The following COL13A1 variants were observed in gnomAD, a reference collection of about 807,000 sequenced individuals.
COL13A1 encodes the protein collagen type XIII alpha 1 chain, also known as collagen alpha-1(XIII) chain.
COL13A1 carries 89 observed loss-of-function variants against 130.9 expected under a neutral mutation model. The observed-to-expected ratio is 0.68, with a 90% CI of 0.57 to 0.81. The LOEUF (loss-of-function observed/expected upper bound fraction) is 0.81, where lower values mean the gene tolerates loss of function less well. Ranked by LOEUF, COL13A1 falls within the 30% of genes least tolerant of loss-of-function variation. COL13A1 has a pLI of 0.00. For missense variants in COL13A1, 879 were observed against 934.6 expected, an observed-to-expected ratio of 0.94 and a Z score of 0.78; for synonymous variants, 402 against 341.6, an observed-to-expected ratio of 1.18 and a Z score of -1.95.
intron 14 of COL13A1, among the ~76,000 whole-genome samples, chr10:69,901,332 G>T (rs1166420034): frequency 1.3e-5 from 2 of 152,234 alleles, no homozygotes; most frequent in Admixed American, 1.3e-4. Context: ...GATGCCATCT[G>T]CCTACAGGTT....
At chr10:69,936,650 T>C (rs2066960671) in intron 32 of COL13A1, 106 bp from the exon 33 acceptor site, 3 of 1,385,752 alleles carry the variant, frequency 2.2e-6, no homozygotes, top group Non-Finnish European at 3.0e-6. Context: ...CCCCAAACCA[T>C]ACTCTGCACC....
At chr10:69,909,275 C>G (rs2063112368) in intron 17 of COL13A1, among the ~76,000 whole-genome samples, 1 of 152,202 alleles carries the variant, frequency 6.6e-6, no homozygotes. Flanking sequence ...CCCCTTCATG[C>G]TGGACTCTTG....
At chr10:69,904,786 T>A (rs1363020206) in intron 15 of COL13A1, 147 bp from the exon 16 acceptor site, 1 of 798,498 alleles carries the variant, frequency 1.3e-6, no homozygotes, top group Non-Finnish European at 2.0e-6. Flanking sequence ...TAGGATCCAC[T>A]AGAGCTGTTG....
chr10:69,875,742 G>A (rs1420121715), intron 5 of COL13A1, among the ~76,000 whole-genome samples: 1 of 152,242 alleles, frequency 6.6e-6, no homozygotes, highest in South Asian at 2.1e-4. Context: ...TGATGGAGAG[G>A]GTGTTTCCCA....
In COL13A1 at chr10:69,815,822, G is replaced by A. The variant is rs1002162721; in HGVS notation, c.295-6547G>A. 8.0e-4 allele frequency among the ~76,000 whole-genome samples: 121 copies of A among 152,116 alleles called. 1 individual carries two copies. The highest frequency in any genetic ancestry group is 2.7e-3 in the African/African-American group (111 of 41,464). On this transcript the variant is annotated intron_variant, in intron 1 of 40. Transcript: ENST00000645393. The stretch of plus-strand genomic sequence containing the variant: ...AGTGAATAGAACAGAACAGAAAAAA[G>A]TATCCAGGTCCTTGTCGAACTTACA...
intron 2 of COL13A1, among the ~76,000 whole-genome samples, chr10:69,839,939 A>AT (rs34722561): frequency 1.3e-5 from 2 of 152,284 alleles, no homozygotes; most frequent in African/African-American, 4.8e-5. Flanking sequence ...TCTGGGCTAC[A>AT]TTTTCCAGTC....
At chr10:69,949,388 G>A (rs34511383) in intron 38 of COL13A1, among the ~76,000 whole-genome samples, 11,321 of 152,192 alleles carry the variant, frequency 0.074, 557 homozygotes, top group Middle Eastern at 0.16. Flanking sequence ...TCACCATATT[G>A]GCCAGGCTGG....
rs2059862123 is a variant in COL13A1 at position 69,878,763 on chromosome 10, G to A, written c.462+698G>A. ...CCCAAAGTGCTGGGATTACAGGTGT[G>A]AGCCACCATGCCTGGCCAAGCACAA... On this transcript the variant is annotated intron_variant, in intron 6 of 40. Transcript: ENST00000645393. Among the ~76,000 whole-genome samples the A allele has an allele frequency of 2.6e-5, 4 of 152,336 alleles. No individual in the cohort carries two copies. In the South Asian group the frequency reaches 8.3e-4, roughly 32 times the overall value.
intron 35 of COL13A1, among the ~76,000 whole-genome samples, chr10:69,942,501 G>A (rs928421348): frequency 2.6e-5 from 4 of 152,140 alleles, no homozygotes; most frequent in Non-Finnish European, 5.9e-5. Flanking sequence ...ACCGAGGGAA[G>A]CAGTACAAAT....
intron 37 of COL13A1, among the ~76,000 whole-genome samples, chr10:69,946,097 A>G (rs2068487839): frequency 7.4e-6 from 1 of 135,776 alleles, no homozygotes. Context: ...AACCAAAAAA[A>G]AAAAAAAAAA....
chr10:69,944,489 C>A (rs1218141015), intron 36 of COL13A1, among the ~76,000 whole-genome samples: 3 of 151,978 alleles, frequency 2.0e-5, no homozygotes, highest in Non-Finnish European at 4.4e-5. Context: ...AACCCAGACT[C>A]TACAAAAAAT....
chr10:69,861,206 C>T (rs1857964401), intron 2 of COL13A1, among the ~76,000 whole-genome samples: 1 of 152,212 alleles, frequency 6.6e-6, no homozygotes, highest in African/African-American at 2.4e-5. Context: ...GGCAGAGTGT[C>T]AAGAAGCCCC....
At chr10:69,827,530 G>A (rs1847781658) in intron 2 of COL13A1, among the ~76,000 whole-genome samples, 1 of 152,228 alleles carries the variant, frequency 6.6e-6, no homozygotes, top group East Asian at 1.9e-4. Context: ...TTGGGGAGCA[G>A]GGATGTCACC....
intron 17 of COL13A1, among the ~76,000 whole-genome samples, chr10:69,911,139 C>T (rs2063335976): frequency 6.6e-6 from 1 of 152,198 alleles, no homozygotes; most frequent in Non-Finnish European, 1.5e-5. Context: ...GGCACAGGGA[C>T]AGAAGCCCAC....
At chr10:69,859,260 T>TAAAAGG (rs771686190) in intron 2 of COL13A1, among the ~76,000 whole-genome samples, 32,765 of 151,778 alleles carry the variant, frequency 0.22, 1,407 homozygotes, top group East Asian at 0.44. Context: ...CCATTCCTTT[T>TAAAAGG]AATGGCAAAA....
Position 69,888,343 on chromosome 10 carries a change from G to GCT in COL13A1, c.576+19_576+20dup, listed in dbSNP as rs1306597944. Reference sequence around the variant, plus strand: ...GGACGGCAAACCGGTAAGTGGACCCGCTCTCTCCCCTCACTGCAGGTCAGT... The same window carrying GCT: ...GGACGGCAAACCGGTAAGTGGACCCGCTCTCTCTCCCCTCACTGCAGGTCAGT... On this transcript the variant is annotated intron_variant, in intron 9 of 40. Coordinates refer to ENST00000645393, the MANE Select transcript of COL13A1 (RefSeq NM_001368882.1). 7 of 1,611,202 alleles carry GCT rather than the reference G, an allele frequency of 4.3e-6. No individual in the cohort carries two copies. The highest frequency in any genetic ancestry group is 5.9e-6 in the Non-Finnish European group (7 of 1,178,742).
At chr10:69,902,098 A>G (rs1389424714) in intron 14 of COL13A1, among the ~76,000 whole-genome samples, 2 of 151,986 alleles carry the variant, frequency 1.3e-5, no homozygotes, top group Non-Finnish European at 2.9e-5. Flanking sequence ...ACAGGCAGCC[A>G]CTCCTTGGAC....
Position 69,922,729 on chromosome 10 carries a change from A to G in COL13A1, c.1165A>G (p.Asn389Asp). The change falls in exon 23 of 41, where the codon AAC becomes GAC. Residue 389 changes from asparagine (N) to aspartate (D), a missense_variant. By Grantham distance (23) the Asn-to-Asp change is conservative. This residue lies in a region of COL13A1 where 715 missense variants were observed against 721.0 expected (regional missense o/e 0.99). Coordinates refer to ENST00000645393, the MANE Select transcript of COL13A1 (RefSeq NM_001368882.1). Reference protein sequence around the residue: ...GQKGEKGDAGNSIGGGRGEPG... With the variant: ...GQKGEKGDAGDSIGGGRGEPG... ...CCAGGGAGAGAAAGGCGATGCTGGC[A>G]ACTCCATTGGAGGAGGCAGAGGGGA... 1 of 1,607,150 alleles carries G rather than the reference A, an allele frequency of 6.2e-7. No individual in the cohort carries two copies. The highest frequency in any genetic ancestry group is 8.5e-7 in the Non-Finnish European group (1 of 1,177,262).
intron 1 of COL13A1, 87 bp downstream of exon 1, chr10:69,802,804 G>C: frequency 6.5e-7 from 1 of 1,535,206 alleles, no homozygotes; most frequent in Non-Finnish European, 8.9e-7. Context: ...GTCCGCGGGC[G>C]CTCGCTCTCT....
Sources: allele counts gnomAD v4.1 joint callset (sites outside exome capture counted in the v4.1 genomes callset), GRCh38; gene constraint gnomAD v4.1.1; regional missense constraint gnomAD v4.1.1; transcripts MANE v1.5; gene names NCBI Gene and HGNC (gene_info 2026-07-23, HGNC 2026-07-21).